The following CAMK1D variants were observed in gnomAD, a reference collection of about 807,000 sequenced individuals.
The protein encoded by CAMK1D is calcium/calmodulin-dependent protein kinase type 1D.
Under a neutral mutation model 47.7 loss-of-function variants are expected in CAMK1D, and 9 were observed. That is an observed-to-expected ratio of 0.19 (90% confidence interval 0.11 to 0.33). The LOEUF (loss-of-function observed/expected upper bound fraction) is 0.33. CAMK1D is among the 10% of genes least tolerant of loss of function. CAMK1D has a pLI of 1.00. For missense variants in CAMK1D, 291 were observed against 488.7 expected (o/e 0.60, Z 3.81); for synonymous variants, 184 against 184.9 (o/e 0.99, Z 0.04).
intron 1 of CAMK1D, among the ~76,000 whole-genome samples, chr10:12,408,615 G>A (rs1156475397): frequency 6.6e-6 from 1 of 152,112 alleles, no homozygotes; most frequent in Non-Finnish European, 1.5e-5. Flanking sequence ...ACGTTGTGTG[G>A]GTGGTGGTGG....
intron 2 of CAMK1D, among the ~76,000 whole-genome samples, chr10:12,619,804 T>C (rs1838935962): frequency 6.6e-6 from 1 of 152,062 alleles, no homozygotes; most frequent in African/African-American, 2.4e-5. Context: ...GCTTCTGGAA[T>C]TCCTCATGGT....
chr10:12,662,234 A>G (rs1840293680), intron 2 of CAMK1D, among the ~76,000 whole-genome samples: 1 of 152,252 alleles, frequency 6.6e-6, no homozygotes, highest in African/African-American at 2.4e-5. Flanking sequence ...TAAGAGCAAT[A>G]GATGAGTCAA....
chr10:12,392,036 G>T (rs1324590695), intron 1 of CAMK1D, among the ~76,000 whole-genome samples: 1 of 146,724 alleles, frequency 6.8e-6, no homozygotes, highest in African/African-American at 2.6e-5. Context: ...GGGTATGGTG[G>T]CTCACACCTA....
At chr10:12,526,414 C>T (rs1182761179) in intron 1 of CAMK1D, among the ~76,000 whole-genome samples, 1 of 152,288 alleles carries the variant, frequency 6.6e-6, no homozygotes, top group South Asian at 2.1e-4. Flanking sequence ...GATGCATACA[C>T]AGATTTATAG....
chr10:12,818,298 C>T (rs914838245), intron 8 of CAMK1D, among the ~76,000 whole-genome samples: 1 of 152,168 alleles, frequency 6.6e-6, no homozygotes, highest in Non-Finnish European at 1.5e-5. Context: ...CAGCACTGGG[C>T]TAATTGCTCT....
intron 1 of CAMK1D, among the ~76,000 whole-genome samples, chr10:12,437,731 G>A (rs2132004625): frequency 6.6e-6 from 1 of 152,138 alleles, no homozygotes; most frequent in East Asian, 1.9e-4. Flanking sequence ...TATGGATTTG[G>A]ACAAATAGCT....
chr10:12,625,250 C>T (rs1479406409), intron 2 of CAMK1D, among the ~76,000 whole-genome samples: 4 of 146,020 alleles, frequency 2.7e-5, no homozygotes, highest in Non-Finnish European at 6.0e-5. Context: ...GCAGGAGAAT[C>T]GCTTGGACCT....
intron 3 of CAMK1D, among the ~76,000 whole-genome samples, chr10:12,741,703 T>C (rs552829206): frequency 8.0e-4 from 121 of 152,134 alleles, no homozygotes; most frequent in African/African-American, 2.8e-3. Flanking sequence ...GTGGTTTTCT[T>C]CGGAGAGTCC....
intron 8 of CAMK1D, among the ~76,000 whole-genome samples, chr10:12,822,420 G>A (rs1395305275): frequency 1.3e-5 from 2 of 152,232 alleles, no homozygotes; most frequent in Non-Finnish European, 1.5e-5. Flanking sequence ...ATAATTAGAA[G>A]CTTCTGTTTT....
At chr10:12,563,486 C>T (rs1031723320) in intron 2 of CAMK1D, among the ~76,000 whole-genome samples, 1 of 152,214 alleles carries the variant, frequency 6.6e-6, no homozygotes, top group East Asian at 1.9e-4. Flanking sequence ...GATTCAGATG[C>T]TAATCTCTTC....
rs149947728 is a variant in CAMK1D at position 12,640,268 on chromosome 10, A to G, written c.225-26468A>G. On this transcript the variant is annotated intron_variant, in intron 2 of 10. Coordinates refer to ENST00000619168, the MANE Select transcript of CAMK1D (RefSeq NM_153498.4). ...TTCTGGTTCAGCAGAGCTTTGCCCA[A>G]GTTGCAGGTTCTGTCAGAAGGAGTG... Among the ~76,000 whole-genome samples the G allele has an allele frequency of 8.9e-3, 1,351 of 151,476 alleles. 17 individuals are homozygous for G. The highest frequency in any genetic ancestry group is 0.015 in the Non-Finnish European group (1,042 of 67,868).
At chr10:12,353,276 C>T (rs1837405443) in intron 1 of CAMK1D, among the ~76,000 whole-genome samples, 1 of 152,186 alleles carries the variant, frequency 6.6e-6, no homozygotes, top group African/African-American at 2.4e-5. Flanking sequence ...CTTTGTTTGC[C>T]CTACTTTCTC....
chr10:12,432,620 A>T (rs1251573533), intron 1 of CAMK1D, among the ~76,000 whole-genome samples: 1 of 152,272 alleles, frequency 6.6e-6, no homozygotes, highest in Non-Finnish European at 1.5e-5. Flanking sequence ...GAGTGAATAG[A>T]TGAGTTAATG....
intron 5 of CAMK1D, among the ~76,000 whole-genome samples, chr10:12,773,445 T>C (rs1281221412): frequency 6.6e-6 from 1 of 152,262 alleles, no homozygotes; most frequent in Non-Finnish European, 1.5e-5. Flanking sequence ...TTGCTTACAA[T>C]ACCTGATGCA....
At chr10:12,816,637 G>A (rs1048126381) in intron 8 of CAMK1D, among the ~76,000 whole-genome samples, 1 of 152,032 alleles carries the variant, frequency 6.6e-6, no homozygotes, top group Non-Finnish European at 1.5e-5. Flanking sequence ...TTGGGAGGCT[G>A]AGGTGGGTGG....
chr10:12,443,031 A>T (rs139920759), intron 1 of CAMK1D, among the ~76,000 whole-genome samples: 1 of 152,024 alleles, frequency 6.6e-6, no homozygotes, highest in African/African-American at 2.4e-5. Flanking sequence ...TTTCCCATCA[A>T]TTTTGAGCCA....
chr10:12,791,429 A>T (rs1837973829), intron 6 of CAMK1D, among the ~76,000 whole-genome samples, 196 bp downstream of exon 6: 1 of 152,154 alleles, frequency 6.6e-6, no homozygotes, highest in Non-Finnish European at 1.5e-5. Flanking sequence ...CACTTCTAGA[A>T]CTTTTCCATC....
intron 1 of CAMK1D, among the ~76,000 whole-genome samples, chr10:12,539,105 C>T (rs756693869): frequency 1.3e-5 from 2 of 152,134 alleles, no homozygotes; most frequent in Non-Finnish European, 2.9e-5. Context: ...TTAACCAGTC[C>T]TCCATTAATG....
intron 2 of CAMK1D, among the ~76,000 whole-genome samples, chr10:12,603,694 T>G (rs1012195918): frequency 1.3e-5 from 2 of 152,104 alleles, no homozygotes; most frequent in Non-Finnish European, 2.9e-5. Context: ...GCTTGACCCA[T>G]TCCCCCAGTC....
Sources: gnomAD v4.1 joint callset for allele counts (sites outside exome capture counted in the v4.1 genomes callset) on GRCh38, gnomAD v4.1.1 for gene constraint, MANE v1.5 for transcripts, NCBI Gene and HGNC (gene_info 2026-07-23, HGNC 2026-07-21) for gene names.